ZFHX2: variants seen among roughly 807,000 people sequenced by gnomAD.
ZFHX2 encodes zinc finger homeobox 2.
ZFHX2 carries 75 observed loss-of-function variants against 164.8 expected under a neutral mutation model. The observed-to-expected ratio is 0.46, with a 90% CI of 0.38 to 0.55. The LOEUF (loss-of-function observed/expected upper bound fraction) is 0.55, where lower values mean the gene tolerates loss of function less well. ZFHX2 is among the 20% of genes least tolerant of loss of function. The pLI, the probability that ZFHX2 is intolerant of heterozygous loss-of-function variation, is 0.00. For missense variants in ZFHX2, 2,933 were observed against 3,308.0 expected (o/e 0.89, Z 2.78); for synonymous variants, 1,217 against 1,351.4 (o/e 0.90, Z 2.18).
rs1026712453 is a variant in ZFHX2, at chr14:23,533,581, C to T, written c.1745G>A (p.Arg582His). 15 of 1,536,588 alleles carry T rather than the reference C, an allele frequency of 9.8e-6. No homozygotes were observed. Among genetic ancestry groups the T allele is most frequent in the Middle Eastern group, 1.7e-4 (1 of 5,994 alleles). The change falls in exon 2 of 10, where the codon CGT becomes CAT. Residue 582 changes from arginine to histidine, a missense_variant. Physicochemically the swap from Arg to His is conservative, Grantham distance 29. Coordinates refer to ENST00000419474, the MANE Select transcript of ZFHX2 (RefSeq NM_033400.3). The surrounding 1 kb of genome is among the most constrained non-coding windows in gnomAD (Gnocchi z 4.8). Reference protein sequence around the residue: ...KVCSYETNISRNLRIHMTSEK... With the variant: ...KVCSYETNISHNLRIHMTSEK... ...AGAGGTCATATGGATGCGCAGGTTA[C>T]GGGAGATGTTTGTCTCGTAGCTGCA...
At chr14:23,553,397 C>T (rs34534076), upstream of ZFHX2, among the ~76,000 whole-genome samples, 13,896 of 149,084 alleles carry the variant, frequency 0.093, 882 homozygotes, top group East Asian at 0.25. Context: ...GTCAGGAGTT[C>T]GAGACCAGCC....
chr14:23,553,271 G>A (rs1354637869), upstream of ZFHX2, among the ~76,000 whole-genome samples: 4 of 152,196 alleles, frequency 2.6e-5, no homozygotes, highest in African/African-American at 9.6e-5. Context: ...AATCCTCACA[G>A]GTAACTGTGA....
chr14:23,521,811 G>T lies in ZFHX2; in HGVS notation c.*151C>A. ...CAGGACTCTGCTGGAAGTGGGGTGT[G>T]TGGTGCCCACTGAGGGTGGGAACTG... On this transcript the variant is annotated 3_prime_UTR_variant, in exon 10 of 10. Coordinates refer to ENST00000419474, the MANE Select transcript of ZFHX2 (RefSeq NM_033400.3). 7.4e-7 allele frequency: 1 copy of T among 1,343,608 alleles called. No homozygotes were observed. Among genetic ancestry groups the T allele is most frequent in the Non-Finnish European group, 9.9e-7 (1 of 1,014,078 alleles). The allele number at this position is 1,343,608 out of a possible 1,614,324, so 83.2% of individuals were successfully genotyped here.
upstream of ZFHX2, among the ~76,000 whole-genome samples, chr14:23,552,585 C>A (rs1184372160): frequency 6.6e-6 from 1 of 151,762 alleles, no homozygotes; most frequent in Non-Finnish European, 1.5e-5. Flanking sequence ...ACCACCACCG[C>A]GCCCAGCCCG....
Position 23,533,488 on chromosome 14 carries a change from A to G in ZFHX2, c.1838T>C (p.Met613Thr). Residue 613 changes from methionine (M) to threonine (T), a missense_variant, in exon 2 of 10, where the codon ATG becomes ACG. Physicochemically the swap from Met to Thr is moderately conservative, Grantham distance 81. Coordinates refer to ENST00000419474, the MANE Select transcript of ZFHX2 (RefSeq NM_033400.3). This position sits in a 1 kb window ranked among gnomAD's most constrained non-coding sequence, Gnocchi z 4.8. Reference protein sequence around the residue: ...GLPLGLPPGLMGPGPPPPPGA... With the variant: ...GLPLGLPPGLTGPGPPPPPGA... ...TGGTGGGGGAGGAGGGCCTGGCCCC[A>G]TCAATCCAGGTGGCAGGCCCAGCGG... The G allele has an allele frequency of 6.5e-7, 1 of 1,536,028 alleles. No individual in the cohort carries two copies. The highest frequency in any genetic ancestry group is 8.7e-7 in the Non-Finnish European group (1 of 1,146,856).
At position 23,522,569 on chromosome 14, in the gene ZFHX2, A is replaced by T. The variant is rs548192484; in HGVS notation, c.7112T>A (p.Phe2371Tyr). 2.8e-5 allele frequency: 42 copies of T among 1,527,268 alleles called. No homozygotes were observed. The highest frequency in any genetic ancestry group is 2.1e-4 in the African/African-American group (15 of 72,792). The allele number at this position is 1,527,268 out of a possible 1,614,324, so 94.6% of individuals were successfully genotyped here. A position where few individuals can be genotyped will look rare whatever the true frequency, so the allele number is the denominator to read the frequency against. Residue 2371 changes from phenylalanine (F) to tyrosine (Y), a missense_variant, in exon 10 of 10, where the codon TTC (phenylalanine) becomes TAC (tyrosine). By Grantham distance (22) the Phe-to-Tyr change is conservative (BLOSUM62 3). Coordinates refer to ENST00000419474, the MANE Select transcript of ZFHX2 (RefSeq NM_033400.3). Reference sequence around the variant, plus strand: ...CTTCTTCATGCCATAGAGCTGTTGGAAGTAGGCCCCCTGTAGCTGGGGGCC... The same window carrying T: ...CTTCTTCATGCCATAGAGCTGTTGGTAGTAGGCCCCCTGTAGCTGGGGGCC... ...VFGPQLQGAYFQQLYGMKKGL... is the reference protein window; with the variant it reads ...VFGPQLQGAYYQQLYGMKKGL...
chr14:23,522,556 A>G lies in ZFHX2; in HGVS notation c.7125T>C (p.Tyr2375=), dbSNP rs1262094986. 1.3e-5 allele frequency: 20 copies of G among 1,528,364 alleles called. No homozygotes were observed. Among genetic ancestry groups the G allele is most frequent in the Middle Eastern group, 1.7e-4 (1 of 5,926 alleles). The allele number at this position is 1,528,364 out of a possible 1,614,324, so 94.7% of individuals were successfully genotyped here. Residue 2375 remains tyrosine (Y), a synonymous_variant, in exon 10 of 10, where the codon TAT becomes TAC. Transcript: ENST00000419474. ...TGGGAAATAGCCCCTTCTTCATGCC[A>G]TAGAGCTGTTGGAAGTAGGCCCCCT... ...QLQGAYFQQL[Y]GMKKGLFPMN...
chr14:23,533,887 TTGCTCTCAGGG>T lies in ZFHX2; in HGVS notation c.1428_1438del (p.His476GlnfsTer32). 1 of 1,538,036 alleles carries T rather than the reference TTGCTCTCAGGG, an allele frequency of 6.5e-7. No individual in the cohort carries two copies. The highest frequency in any genetic ancestry group is 8.7e-7 in the Non-Finnish European group (1 of 1,147,244). On this transcript the variant is annotated frameshift_variant, in exon 2 of 10. Transcript: ENST00000419474. LOFTEE classifies it high-confidence loss of function. The surrounding 1 kb of genome is among the most constrained non-coding windows in gnomAD (Gnocchi z 4.8). ...AGCACTGCAGTAGCTGCAGTGACTGTTGCTCTCAGGGTGCTTCTCTCGCATGTGCACATCCA... is the reference window on the plus strand; with the variant it reads ...AGCACTGCAGTAGCTGCAGTGACTGTTGCTTCTCTCGCATGTGCACATCCA...
intron 3 of ZFHX2, chr14:23,532,358 G>A (rs1410111752): frequency 2.3e-5 from 13 of 569,704 alleles, no homozygotes; most frequent in Non-Finnish European, 2.7e-5. Context: ...AATAAAGTCT[G>A]TTTCACTTGT....
Position 23,534,500 on chromosome 14 carries a change from C to T in ZFHX2, c.826G>A (p.Ala276Thr). ...CCTTCATCTCCCTCCTGGAGTACAG[C>T]TGGGCTACCTGACAGGCCCTGATAT... ...AQYQGLSGSP[A>T]VLQEGDEGCK... Residue 276 changes from alanine (A) to threonine (T), a missense_variant, in exon 2 of 10, where the codon GCT (alanine) becomes ACT (threonine). Physicochemically the swap from Ala to Thr is moderately conservative, Grantham distance 58 (BLOSUM62 0). Transcript: ENST00000419474. This position sits in a 1 kb window ranked among gnomAD's most constrained non-coding sequence, Gnocchi z 4.5. The T allele has an allele frequency of 6.5e-7, 1 of 1,536,218 alleles. No individual in the cohort carries two copies. Among genetic ancestry groups the T allele is most frequent in the Admixed American group, 2.0e-5 (1 of 51,008 alleles).
At chr14:23,527,070 T>C in intron 7 of ZFHX2, 97 bp from the exon 8 acceptor site, 1 of 1,392,266 alleles carries the variant, frequency 7.2e-7, no homozygotes. Context: ...TGTGCCGAGA[T>C]CCCTTGCCAC....
intron 6 of ZFHX2, 156 bp downstream of exon 6, chr14:23,529,554 A>C: frequency 1.3e-6 from 1 of 750,768 alleles, no homozygotes; most frequent in Non-Finnish European, 2.2e-6. Context: ...AAAGTGCTGA[A>C]CATGTGGAAC....
In ZFHX2 at chr14:23,522,901, C is replaced by A. The variant is rs554292009; in HGVS notation, c.6780G>T (p.Ser2260=). 9.5e-6 allele frequency: 14 copies of A among 1,471,144 alleles called. No homozygotes were observed. The highest frequency in any genetic ancestry group is 1.3e-5 in the Non-Finnish European group (14 of 1,114,940). The allele number at this position is 1,471,144 out of a possible 1,614,324, so 91.1% of individuals were successfully genotyped here. A position where few individuals can be genotyped will look rare whatever the true frequency, so the allele number is the denominator to read the frequency against. The change falls in exon 10 of 10, where the codon TCG becomes TCT. Residue 2260 remains serine, a synonymous_variant. Coordinates refer to ENST00000419474, the MANE Select transcript of ZFHX2 (RefSeq NM_033400.3). The part of the protein sequence containing the change: ...ASSGLLGLAT[S]VLPTTTVVQT... ...GGACCACTGTGGTGGTAGGCAGGAC[C>A]GAAGTGGCGAGGCCGAGGAGGCCTG...
In ZFHX2 at chr14:23,535,066, G is replaced by A; in HGVS notation, c.260C>T (p.Pro87Leu). ...QEGPDCGHFP[P>L]NDPGVEKDKE... Reference sequence around the variant, plus strand: ...GTCCTTTTCCACCCCTGGGTCATTTGGTGGGAAGTGACCACAGTCAGGCCC... The same window carrying A: ...GTCCTTTTCCACCCCTGGGTCATTTAGTGGGAAGTGACCACAGTCAGGCCC... The change falls in exon 2 of 10, where the codon CCA becomes CTA. Residue 87 changes from proline to leucine, a missense_variant. Coordinates refer to ENST00000419474, the MANE Select transcript of ZFHX2 (RefSeq NM_033400.3). This position sits in a 1 kb window ranked among gnomAD's most constrained non-coding sequence, Gnocchi z 4.5. The A allele has an allele frequency of 6.5e-7, 1 of 1,536,274 alleles. No homozygotes were observed. The highest frequency in any genetic ancestry group is 8.7e-7 in the Non-Finnish European group (1 of 1,146,918).
Position 23,525,224 on chromosome 14 carries a change from C to T in ZFHX2, c.4718G>A (p.Gly1573Glu). The T allele has an allele frequency of 6.5e-7, 1 of 1,536,112 alleles. No homozygotes were observed. Among genetic ancestry groups the T allele is most frequent in the South Asian group, 1.2e-5 (1 of 84,064 alleles). Residue 1573 changes from glycine to glutamate, a missense_variant, in exon 9 of 10, where the codon GGA becomes GAA. Physicochemically the swap from Gly to Glu is moderately conservative, Grantham distance 98. Transcript: ENST00000419474. This position sits in a 1 kb window ranked among gnomAD's most constrained non-coding sequence, Gnocchi z 5.9. The part of the protein sequence containing the change: ...RAPEERSRAG[G>E]HWPIEEEESS... ...TTCTTCCTCTTCTATGGGCCAGTGT[C>T]CCCCTGCTCGACTTCGCTCTTCAGG...
Position 23,523,857 on chromosome 14 carries a change from C to A in ZFHX2, c.6085G>T (p.Asp2029Tyr). The A allele has an allele frequency of 6.5e-7, 1 of 1,536,204 alleles. No homozygotes were observed. The highest frequency in any genetic ancestry group is 1.2e-5 in the South Asian group (1 of 84,058). ...ESEACSLSAG[D>Y]LSDSSASSLA... ...CTGGAAGCAGATGAATCACTCAGAT[C>A]TCCTGCAGAGAGACTGCAAGCCTCA... Residue 2029 changes from aspartate (D) to tyrosine (Y), a missense_variant, in exon 9 of 10, where the codon GAT (aspartate) becomes TAT (tyrosine). Transcript: ENST00000419474. This position sits in a 1 kb window ranked among gnomAD's most constrained non-coding sequence, Gnocchi z 4.1.
intron 7 of ZFHX2, among the ~76,000 whole-genome samples, chr14:23,527,263 T>C (rs753550789): frequency 6.6e-6 from 1 of 152,202 alleles, no homozygotes; most frequent in Non-Finnish European, 1.5e-5. Context: ...TCTCAGGACT[T>C]AGTGGAGGTG....
chr14:23,535,328 T>C lies in ZFHX2; in HGVS notation c.-3A>G. ...GAGGCTGAGTTAAGGGTGGCCATGG[T>C]AGACGGAGGAGTGCTGGGGGCTCAT... On this transcript the variant is annotated 5_prime_UTR_variant, in exon 2 of 10. Transcript: ENST00000419474. The surrounding 1 kb of genome is among the most constrained non-coding windows in gnomAD (Gnocchi z 4.5). 4.1e-6 allele frequency: 6 copies of C among 1,451,758 alleles called. No individual in the cohort carries two copies. The highest frequency in any genetic ancestry group is 4.5e-6 in the Non-Finnish European group (5 of 1,103,568). 89.9% of individuals were successfully genotyped at this position (1,451,758 alleles called of 1,614,324 possible). A position where few individuals can be genotyped will look rare whatever the true frequency, so the allele number is the denominator to read the frequency against.
chr14:23,543,738 G>A (rs1881074854), intron 1 of ZFHX2: 1 of 151,940 alleles, frequency 6.6e-6, no homozygotes, highest in African/African-American at 2.4e-5. Flanking sequence ...GTACCCATTT[G>A]TGACAACATC....
Sources: gnomAD v4.1 joint callset for allele counts (sites outside exome capture counted in the v4.1 genomes callset) on GRCh38, gnomAD v4.1.1 for gene constraint, Gnocchi (gnomAD v3.1) non-coding constraint, MANE v1.5 for transcripts, NCBI Gene and HGNC (gene_info 2026-07-23, HGNC 2026-07-21) for gene names.